RAB3GAP1: variants seen among roughly 807,000 people sequenced by gnomAD.
RAB3GAP1 encodes RAB3 GTPase activating protein catalytic subunit 1.
Under a neutral mutation model 130.7 loss-of-function variants are expected in RAB3GAP1, and 86 were observed. The observed-to-expected ratio is 0.66, with a 90% CI of 0.55 to 0.79. The LOEUF is 0.79. Among genes scored for constraint, RAB3GAP1 ranks in the 30% least tolerant of loss-of-function variants. The pLI is 0.00. For synonymous variants in RAB3GAP1, 367 were observed against 401.7 expected (o/e 0.91, Z 1.03); for missense variants, 1,029 against 1,169.4 (o/e 0.88, Z 1.75).
chr2:135,158,194 A>G (rs1654380868), intron 19 of RAB3GAP1, among the ~76,000 whole-genome samples: 1 of 152,226 alleles, frequency 6.6e-6, no homozygotes, highest in African/African-American at 2.4e-5. Context: ...GAAAGAGTCT[A>G]GAAGCACTGA....
chr2:135,058,338 T>C (rs1250555586), intron 3 of RAB3GAP1: 1 of 264,080 alleles, frequency 3.8e-6, no homozygotes, highest in Non-Finnish European at 7.0e-6. Flanking sequence ...ATGTCATTCT[T>C]TGTGAGTGAT....
At chr2:135,111,279 A>C (rs896582700) in intron 5 of RAB3GAP1, among the ~76,000 whole-genome samples, 1 of 152,118 alleles carries the variant, frequency 6.6e-6, no homozygotes, top group African/African-American at 2.4e-5. Flanking sequence ...AAAATCTCTC[A>C]TAAGTTATTT....
At chr2:135,129,928 TTA>T in intron 11 of RAB3GAP1, 65 bp from the exon 12 acceptor site, 1 of 1,017,886 alleles carries the variant, frequency 9.8e-7, no homozygotes, top group South Asian at 1.4e-5. Context: ...AAGATGTACT[TTA>T]ATTTATAGGA....
At chr2:135,162,435 A>G (rs1260809353) in intron 19 of RAB3GAP1, 120 bp from the exon 20 acceptor site, 3 of 763,936 alleles carry the variant, frequency 3.9e-6, no homozygotes, top group Non-Finnish European at 6.9e-6. Context: ...GTGGCTGCCT[A>G]TCTGGAGTGC....
intron 3 of RAB3GAP1, among the ~76,000 whole-genome samples, chr2:135,086,698 G>T (rs1689996585): frequency 7.9e-6 from 1 of 127,202 alleles, no homozygotes; most frequent in Non-Finnish European, 1.6e-5. Flanking sequence ...CTTAGAGATA[G>T]GGTCTTGCTT....
intron 5 of RAB3GAP1, among the ~76,000 whole-genome samples, chr2:135,102,405 T>A (rs184281865): frequency 2.0e-5 from 3 of 152,368 alleles, no homozygotes; most frequent in Admixed American, 2.0e-4. Context: ...CCTGCAGAAC[T>A]ATAAGATGAT....
intron 2 of RAB3GAP1, 121 bp downstream of exon 2, chr2:135,052,606 C>A: frequency 8.7e-7 from 1 of 1,146,284 alleles, no homozygotes. Context: ...TACCGTGGGT[C>A]CCGGGTCTCC....
At chr2:135,099,066 T>G (rs1690379637) in intron 5 of RAB3GAP1, among the ~76,000 whole-genome samples, 1 of 152,172 alleles carries the variant, frequency 6.6e-6, no homozygotes, top group African/African-American at 2.4e-5. Flanking sequence ...TTTTTTCTGT[T>G]TAAAACTGGC....
chr2:135,091,044 C>T lies in RAB3GAP1; in HGVS notation c.197C>T (p.Ser66Phe). The change falls in exon 4 of 24, where the codon TCC becomes TTC. Residue 66 changes from serine to phenylalanine, a missense_variant. Ser to Phe is a radical substitution (Grantham distance 155). Around this residue, in one of 3 missense-constraint regions of RAB3GAP1, gnomAD observed 510 missense variants for 532.1 expected, o/e 0.96. Coordinates refer to ENST00000264158, the MANE Select transcript of RAB3GAP1 (RefSeq NM_012233.3). ...GTWEEKSDEI[S>F]FADFKFSVTH... Reference sequence around the variant, plus strand: ...TGGGAAGAGAAATCAGATGAAATTTCCTTTGCTGACTTCAAGTTCTCAGTC... The same window carrying T: ...TGGGAAGAGAAATCAGATGAAATTTTCTTTGCTGACTTCAAGTTCTCAGTC... 1 of 1,611,348 alleles carries T rather than the reference C, an allele frequency of 6.2e-7. No homozygotes were observed. The highest frequency in any genetic ancestry group is 2.2e-5 in the East Asian group (1 of 44,722).
downstream of RAB3GAP1, among the ~76,000 whole-genome samples, chr2:135,172,057 A>G (rs1030220567): frequency 6.6e-5 from 10 of 152,154 alleles, no homozygotes; most frequent in African/African-American, 2.4e-4. Flanking sequence ...AAGCTGTAGG[A>G]GTTGAGATTT....
intron 15 of RAB3GAP1, 108 bp downstream of exon 15, chr2:135,134,141 G>A: frequency 8.0e-7 from 1 of 1,255,314 alleles, no homozygotes; most frequent in Non-Finnish European, 1.1e-6. Flanking sequence ...TAAGAAAGTG[G>A]CAAGAAGCTT....
intron 3 of RAB3GAP1, among the ~76,000 whole-genome samples, chr2:135,067,550 T>G (rs1558760164): frequency 1.3e-5 from 2 of 152,230 alleles, no homozygotes; most frequent in Non-Finnish European, 2.9e-5. Context: ...TATTGTAATA[T>G]AAAAATGGCA....
At chr2:135,059,647 T>C (rs1396956175) in intron 3 of RAB3GAP1, among the ~76,000 whole-genome samples, 1 of 152,190 alleles carries the variant, frequency 6.6e-6, no homozygotes, top group East Asian at 1.9e-4. Flanking sequence ...TACTCTCTTT[T>C]AGCTATTTTG....
intron 22 of RAB3GAP1, among the ~76,000 whole-genome samples, chr2:135,163,917 A>G (rs574101684): frequency 1.3e-5 from 2 of 152,362 alleles, no homozygotes; most frequent in East Asian, 3.9e-4. Context: ...TTTCTCCCAC[A>G]CTGCTTTGCT....
intron 8 of RAB3GAP1, among the ~76,000 whole-genome samples, 196 bp downstream of exon 8, chr2:135,121,114 A>G (rs564567418): frequency 2.6e-5 from 4 of 151,998 alleles, no homozygotes; most frequent in Non-Finnish European, 5.9e-5. Flanking sequence ...TTTTCTAGAG[A>G]TAGTATTACT....
chr2:135,136,208 TC>T (rs1325679935), intron 17 of RAB3GAP1, among the ~76,000 whole-genome samples: 1 of 151,986 alleles, frequency 6.6e-6, no homozygotes, highest in Non-Finnish European at 1.5e-5. Context: ...CACCTGTAGT[TC>T]CAGCTACTGG....
At chr2:135,160,709 T>C (rs1489790987) in intron 19 of RAB3GAP1, among the ~76,000 whole-genome samples, 2 of 143,176 alleles carry the variant, frequency 1.4e-5, no homozygotes, top group African/African-American at 5.2e-5. Flanking sequence ...AAGACACATA[T>C]GGGATCAGTT....
At chr2:135,116,450 T>C (rs948858098) in intron 7 of RAB3GAP1, among the ~76,000 whole-genome samples, 19 of 152,064 alleles carry the variant, frequency 1.2e-4, no homozygotes, top group African/African-American at 4.3e-4. Context: ...ATAGGCAAAA[T>C]AAAGGCTGGA....
In RAB3GAP1 at chr2:135,135,738, T is replaced by A. The variant is rs1215312049; in HGVS notation, c.1729T>A (p.Ser577Thr). 4 of 1,614,018 alleles carry A rather than the reference T, an allele frequency of 2.5e-6. No individual in the cohort carries two copies. Among genetic ancestry groups the A allele is most frequent in the South Asian group, 1.1e-5 (1 of 91,066 alleles). Residue 577 changes from serine to threonine, a missense_variant, in exon 17 of 24, where the codon TCC (serine) becomes ACC (threonine). Coordinates refer to ENST00000264158, the MANE Select transcript of RAB3GAP1 (RefSeq NM_012233.3). ...EKGEVGKSWD[S>T]WSDSEEEFFE... Reference sequence around the variant, plus strand: ...GGGAGAGGTAGGAAAATCTTGGGATTCCTGGAGTGACAGCGAAGAAGAATT... The same window carrying A: ...GGGAGAGGTAGGAAAATCTTGGGATACCTGGAGTGACAGCGAAGAAGAATT...
Sources: allele counts gnomAD v4.1 joint callset (sites outside exome capture counted in the v4.1 genomes callset), GRCh38; gene constraint gnomAD v4.1.1; regional missense constraint gnomAD v4.1.1; transcripts MANE v1.5; gene names NCBI Gene and HGNC (gene_info 2026-07-23, HGNC 2026-07-21).